Variants in UBR4 observed in about 807,000 individuals in gnomAD.
UBR4 encodes E3 ubiquitin-protein ligase UBR4.
A neutral mutation model predicts 575.6 loss-of-function variants in UBR4; 124 were observed. The ratio of observed to expected loss-of-function variants is 0.22; its 90% confidence interval spans 0.19 to 0.25. The LOEUF (loss-of-function observed/expected upper bound fraction) is 0.25. Ranked by LOEUF, UBR4 falls within the 10% of genes least tolerant of loss-of-function variation. The probability of loss-of-function intolerance (pLI) is 1.00; values close to 1 mark genes in which losing one functional copy is unlikely to be tolerated. For missense variants in UBR4, 4,818 were observed against 6,478.8 expected (o/e 0.74, Z 8.80); for synonymous variants, 2,455 against 2,473.7 (o/e 0.99, Z 0.22).
chr1:19,197,894 G>C (rs550065649), intron 6 of UBR4, 53 bp downstream of exon 6: 1 of 1,612,306 alleles, frequency 6.2e-7, no homozygotes, highest in East Asian at 2.2e-5. Context: ...GCACACTTAA[G>C]GAATTTTTGA....
At chr1:19,166,418 T>A (rs2088408157) in intron 29 of UBR4, among the ~76,000 whole-genome samples, 1 of 149,274 alleles carries the variant, frequency 6.7e-6, no homozygotes, top group South Asian at 2.1e-4. Flanking sequence ...TTGATAGTCA[T>A]TAAAAACAAT....
At chr1:19,143,932 C>T (rs1274400392) in intron 55 of UBR4, 48 bp downstream of exon 55, 4 of 1,564,424 alleles carry the variant, frequency 2.6e-6, no homozygotes, top group Non-Finnish European at 1.8e-6. Context: ...TCCCTCTCTC[C>T]CCTCCTCCCA....
intron 83 of UBR4, among the ~76,000 whole-genome samples, chr1:19,106,095 G>C (rs1476920759): frequency 6.6e-6 from 1 of 152,330 alleles, no homozygotes; most frequent in East Asian, 1.9e-4. Context: ...CCTACAATAA[G>C]TGAAGTAGGA....
intron 60 of UBR4, among the ~76,000 whole-genome samples, chr1:19,130,657 G>A (rs2082319320): frequency 6.6e-6 from 1 of 152,226 alleles, no homozygotes; most frequent in African/African-American, 2.4e-5. Context: ...CAAGCTAGGT[G>A]GGGACTACAA....
intron 11 of UBR4, among the ~76,000 whole-genome samples, chr1:19,191,897 A>G (rs756324183): frequency 6.6e-6 from 1 of 152,252 alleles, no homozygotes; most frequent in Non-Finnish European, 1.5e-5. Flanking sequence ...TACAAGACAG[A>G]AACATGTTTT....
At position 19,129,536 on chromosome 1, in the gene UBR4, G is replaced by A. The variant is rs534996233; in HGVS notation, c.8907-462C>T. 4.3e-4 allele frequency among the ~76,000 whole-genome samples: 65 copies of A among 152,178 alleles called. 1 individual carries two copies. In the South Asian group the frequency reaches 7.5e-3, roughly 17 times the overall value. On this transcript the variant is annotated intron_variant, in intron 60 of 105. Coordinates refer to ENST00000375254, the MANE Select transcript of UBR4 (RefSeq NM_020765.3). ...AGTGACCCAGCCCTTTCTTTCTCAC[G>A]TTTCCCAAATTCTTATAAAGTCCAG...
chr1:19,173,533 G>T lies in UBR4; in HGVS notation c.3071C>A (p.Ser1024Tyr). ...PPSKTYINQL[S>Y]MNSPEMSECD... ...TTCGCTCATCTCAGGTGAGTTCATG[G>T]ATAGCTGGTTAATGTAAGTCTTTGA... is the stretch of plus-strand genomic sequence containing the variant. The change falls in exon 23 of 106, where the codon TCC becomes TAC. Residue 1024 changes from serine to tyrosine, a missense_variant. Around this residue, in one of 29 missense-constraint regions of UBR4, gnomAD observed 1,172 missense variants for 1,259.7 expected, o/e 0.93. Coordinates refer to ENST00000375254, the MANE Select transcript of UBR4 (RefSeq NM_020765.3). The T allele has an allele frequency of 1.2e-6, 2 of 1,614,168 alleles. No homozygotes were observed. The highest frequency in any genetic ancestry group is 8.5e-7 in the Non-Finnish European group (1 of 1,180,026).
intron 102 of UBR4, 116 bp downstream of exon 102, chr1:19,084,388 G>A: frequency 8.8e-7 from 1 of 1,135,760 alleles, no homozygotes; most frequent in Non-Finnish European, 1.2e-6. Flanking sequence ...GCTGCCTTAG[G>A]CCAGACGCTT....
At chr1:19,189,133 C>G (rs547901652) in intron 11 of UBR4, among the ~76,000 whole-genome samples, 3 of 152,218 alleles carry the variant, frequency 2.0e-5, no homozygotes, top group African/African-American at 7.2e-5. Context: ...CATGAAATAT[C>G]ATAGCATTCT....
intron 22 of UBR4, among the ~76,000 whole-genome samples, 182 bp from the exon 23 acceptor site, chr1:19,173,803 T>C (rs1290413177): frequency 6.6e-6 from 1 of 152,164 alleles, no homozygotes; most frequent in African/African-American, 2.4e-5. Flanking sequence ...TAGCAGAAAA[T>C]GGCAGAACAC....
intron 58 of UBR4, among the ~76,000 whole-genome samples, chr1:19,140,307 A>T (rs1570995742): frequency 6.6e-6 from 1 of 152,028 alleles, no homozygotes; most frequent in East Asian, 1.9e-4. Context: ...GTCCATAAAA[A>T]CCCTCTCTCT....
intron 39 of UBR4, among the ~76,000 whole-genome samples, chr1:19,158,263 A>G (rs909730214): frequency 1.3e-5 from 2 of 152,238 alleles, no homozygotes; most frequent in Non-Finnish European, 1.5e-5. Flanking sequence ...AATCTCTTAC[A>G]AATTGTGGTG....
rs1557573435 is a variant in UBR4, at chr1:19,100,079, GAGA to G, written c.13221+294_13221+296del. On this transcript the variant is annotated intron_variant, in intron 89 of 105. Transcript: ENST00000375254. This position sits in a 1 kb window ranked among gnomAD's most constrained non-coding sequence, Gnocchi z 4.2. The stretch of plus-strand genomic sequence containing the variant: ...GGGGCTCAGGTAACTCAGACTCACC[GAGA>G]AGTCTCTGCCAGAGGCAATAACGAT... 18 of 463,494 alleles carry G rather than the reference GAGA, an allele frequency of 3.9e-5. No homozygotes were observed. The East Asian group carries it at 6.2e-4, about 16-fold the overall frequency. 28.7% of individuals were successfully genotyped at this position (463,494 alleles called of 1,614,324 possible).
At chr1:19,150,189 GAAAGATGATGA>G (rs2150240234) in intron 49 of UBR4, among the ~76,000 whole-genome samples, 1 of 152,228 alleles carries the variant, frequency 6.6e-6, no homozygotes, top group South Asian at 2.1e-4. Context: ...GCTACGCAGA[GAAAGATGATGA>G]AAAGATGATG....
chr1:19,121,832 C>T (rs6681662), intron 67 of UBR4, 102 bp downstream of exon 67: 787,354 of 1,302,696 alleles, frequency 0.6, 241,185 homozygotes, highest in East Asian at 0.82. Flanking sequence ...ATCTTGTTCA[C>T]AGCTATATCT....
intron 17 of UBR4, among the ~76,000 whole-genome samples, chr1:19,182,978 C>T (rs774520594): frequency 1.3e-5 from 2 of 152,094 alleles, no homozygotes; most frequent in African/African-American, 2.4e-5. Flanking sequence ...TTCAAGACAT[C>T]AGCTATTTCA....
At chr1:19,124,444 G>A (rs6681943) in intron 65 of UBR4, 97 bp downstream of exon 65, 161,793 of 1,506,676 alleles carry the variant, frequency 0.11, 9,449 homozygotes, top group Non-Finnish European at 0.12. Flanking sequence ...TCTGCAAGGG[G>A]AAATACCAAG....
intron 103 of UBR4, chr1:19,080,018 A>G (rs1294907177): frequency 2.6e-5 from 4 of 152,210 alleles, no homozygotes; most frequent in African/African-American, 4.8e-5. Flanking sequence ...CTAGTCTCCT[A>G]AGTGAGAGCA....
chr1:19,100,621 G>T lies in UBR4; in HGVS notation c.13024-48C>A. The T allele has an allele frequency of 6.4e-7, 1 of 1,571,402 alleles. No individual in the cohort carries two copies. The highest frequency in any genetic ancestry group is 1.1e-5 in the South Asian group (1 of 90,126). On this transcript the variant is annotated intron_variant, in intron 88 of 105. Coordinates refer to ENST00000375254, the MANE Select transcript of UBR4 (RefSeq NM_020765.3). This position sits in a 1 kb window ranked among gnomAD's most constrained non-coding sequence, Gnocchi z 4.2. Reference sequence around the variant, plus strand: ...CATCAGAAGGGATGGCAGAGGTGGAGATTTATACCATGCTACCTTGTTCCA... The same window carrying T: ...CATCAGAAGGGATGGCAGAGGTGGATATTTATACCATGCTACCTTGTTCCA...
Sources: allele counts gnomAD v4.1 joint callset (sites outside exome capture counted in the v4.1 genomes callset), GRCh38; gene constraint gnomAD v4.1.1; regional missense constraint gnomAD v4.1.1; non-coding constraint Gnocchi (gnomAD v3.1); transcripts MANE v1.5; gene names NCBI Gene and HGNC (gene_info 2026-07-23, HGNC 2026-07-21).